Variants in SHOC2 observed in about 807,000 individuals in gnomAD.
SHOC2 encodes leucine-rich repeat protein SHOC-2.
Under a neutral mutation model 50.2 loss-of-function variants are expected in SHOC2, and 4 were observed. The observed-to-expected ratio is 0.08, with a 90% CI of 0.04 to 0.18. The LOEUF (loss-of-function observed/expected upper bound fraction) is 0.18. Among genes scored for constraint, SHOC2 ranks in the 10% least tolerant of loss-of-function variants. The pLI is 1.00. For missense variants in SHOC2, 388 were observed against 669.6 expected (o/e 0.58, Z 4.64); for synonymous variants, 218 against 244.5 (o/e 0.89, Z 1.01).
chr10:110,997,317 A>G (rs1423111388), intron 3 of SHOC2, among the ~76,000 whole-genome samples: 1 of 152,216 alleles, frequency 6.6e-6, no homozygotes, highest in Non-Finnish European at 1.5e-5. Context: ...ATGACTTTAG[A>G]ACTATAGCTC....
chr10:111,007,635 T>G lies in SHOC2; in HGVS notation c.1266T>G (p.Ser422=). The stretch of plus-strand genomic sequence containing the variant: ...TCACAAAGATCCCTGAGGATGTGTC[T>G]GGTCTCGTTTCTCTTGAGGTTAGTA... ...NQLTKIPEDV[S]GLVSLEVLIL... Residue 422 remains serine, a synonymous_variant, in exon 6 of 9, where the codon TCT becomes TCG. Transcript: ENST00000369452. 1 of 1,613,716 alleles carries G rather than the reference T, an allele frequency of 6.2e-7. No homozygotes were observed. The highest frequency in any genetic ancestry group is 8.5e-7 in the Non-Finnish European group (1 of 1,179,712).
At chr10:110,936,894 T>C (rs1429525589) in intron 1 of SHOC2, 1 of 1,382,856 alleles carries the variant, frequency 7.2e-7, no homozygotes, top group Non-Finnish European at 1.0e-6. Context: ...CGCTTTTTCT[T>C]GTCGTAAGGC....
intron 7 of SHOC2, 84 bp downstream of exon 7, chr10:111,009,469 A>G (rs1057173078): frequency 1.0e-5 from 13 of 1,240,846 alleles, no homozygotes; most frequent in African/African-American, 1.5e-5. Flanking sequence ...TTTTGATGTA[A>G]TTCTTGGATC....
chr10:110,923,218 T>A (rs1449199165), intron 1 of SHOC2, among the ~76,000 whole-genome samples: 2 of 152,076 alleles, frequency 1.3e-5, no homozygotes, highest in African/African-American at 4.8e-5. Flanking sequence ...GTAAACTGAC[T>A]TTTAAAATCT....
At chr10:110,975,186 C>T (rs1465000596) in intron 2 of SHOC2, among the ~76,000 whole-genome samples, 5 of 148,974 alleles carry the variant, frequency 3.4e-5, no homozygotes, top group Admixed American at 1.3e-4. Flanking sequence ...GATGGAGTCT[C>T]GCTCTGTCGC....
intron 8 of SHOC2, among the ~76,000 whole-genome samples, chr10:111,010,969 AT>A (rs1454894026): frequency 2.6e-5 from 4 of 152,202 alleles, no homozygotes; most frequent in African/African-American, 9.6e-5. Context: ...CATGAGGCAA[AT>A]TTACACCTAT....
At chr10:110,981,471 T>G (rs1847975164) in intron 2 of SHOC2, among the ~76,000 whole-genome samples, 1 of 152,342 alleles carries the variant, frequency 6.6e-6, no homozygotes, top group Non-Finnish European at 1.5e-5. Context: ...CAAAAGGATG[T>G]AAGAAAAGTT....
At chr10:110,986,582 T>A (rs1009941520) in intron 3 of SHOC2, among the ~76,000 whole-genome samples, 1 of 152,150 alleles carries the variant, frequency 6.6e-6, no homozygotes, top group African/African-American at 2.4e-5. Flanking sequence ...CATGCGATTC[T>A]CCTGCTTCAG....
intron 1 of SHOC2, among the ~76,000 whole-genome samples, chr10:110,942,268 T>G (rs185012682): frequency 6.0e-4 from 92 of 152,350 alleles, no homozygotes; most frequent in African/African-American, 1.9e-3. Context: ...AAGTTCATGG[T>G]GGTGAATGCA....
intron 1 of SHOC2, among the ~76,000 whole-genome samples, chr10:110,933,127 C>A (rs903971866): frequency 1.3e-5 from 2 of 151,970 alleles, no homozygotes; most frequent in Non-Finnish European, 2.9e-5. Context: ...TTCAGATTTT[C>A]TTTGTAGGTA....
In SHOC2 at chr10:110,933,595, C is replaced by T. The variant is rs139895909; in HGVS notation, c.-235+13938C>T. Among the ~76,000 whole-genome samples, 204 of 152,256 alleles carry T rather than the reference C, an allele frequency of 1.3e-3. 1 individual carries two copies. The highest frequency in any genetic ancestry group is 4.6e-3 in the African/African-American group (193 of 41,536). Reference sequence around the variant, plus strand: ...TATGAGGTGGTTGAATTGTAGAACACTTGGAGAGGGCAGCTCCTTTTCAAT... The same window carrying T: ...TATGAGGTGGTTGAATTGTAGAACATTTGGAGAGGGCAGCTCCTTTTCAAT... On this transcript the variant is annotated intron_variant, in intron 1 of 8. Coordinates refer to ENST00000369452, the MANE Select transcript of SHOC2 (RefSeq NM_007373.4).
At chr10:110,940,285 T>C (rs1489576922) in intron 1 of SHOC2, among the ~76,000 whole-genome samples, 1 of 152,220 alleles carries the variant, frequency 6.6e-6, no homozygotes, top group Non-Finnish European at 1.5e-5. Flanking sequence ...TTTATGTGTC[T>C]AATCTTTACA....
At chr10:110,984,306 T>C (rs1003598843) in intron 2 of SHOC2, among the ~76,000 whole-genome samples, 2 of 152,204 alleles carry the variant, frequency 1.3e-5, no homozygotes, top group Non-Finnish European at 2.9e-5. Flanking sequence ...TAGAGAAATA[T>C]CTATTGAAGT....
intron 5 of SHOC2, among the ~76,000 whole-genome samples, chr10:111,006,027 C>G (rs1197651005): frequency 6.6e-6 from 1 of 152,106 alleles, no homozygotes; most frequent in African/African-American, 2.4e-5. Context: ...GTTAATCAGT[C>G]TGGTTATATG....
intron 1 of SHOC2, among the ~76,000 whole-genome samples, chr10:110,930,349 G>GT (rs907263071): frequency 3.9e-4 from 59 of 151,474 alleles, no homozygotes; most frequent in South Asian, 2.1e-4. Flanking sequence ...ATTTATTTTT[G>GT]TTTTTTTTCT....
At chr10:111,009,591 T>C (rs1590839348) in intron 7 of SHOC2, 122 bp from the exon 8 acceptor site, 1 of 802,662 alleles carries the variant, frequency 1.2e-6, no homozygotes, top group East Asian at 2.7e-5. Flanking sequence ...TGTAAGTGAT[T>C]CTCATTCTAT....
At chr10:111,004,516 C>CT in intron 4 of SHOC2, 90 bp from the exon 5 acceptor site, 1 of 926,848 alleles carries the variant, frequency 1.1e-6, no homozygotes, top group Non-Finnish European at 1.8e-6. Flanking sequence ...CCCCAAAGCC[C>CT]TTTGAGGCAT....
At chr10:111,005,431 T>C (rs78658909) in intron 5 of SHOC2, among the ~76,000 whole-genome samples, 255 of 152,332 alleles carry the variant, frequency 1.7e-3, no homozygotes, top group African/African-American at 5.9e-3. Context: ...CCATTAAAAA[T>C]CATATTTTGG....
chr10:110,934,920 T>A (rs1564703254), intron 1 of SHOC2, among the ~76,000 whole-genome samples: 2 of 152,154 alleles, frequency 1.3e-5, no homozygotes, highest in Non-Finnish European at 2.9e-5. Context: ...AAAGGTAAAG[T>A]AAATCTTTCT....
Sources: allele counts gnomAD v4.1 joint callset (sites outside exome capture counted in the v4.1 genomes callset), GRCh38; gene constraint gnomAD v4.1.1; transcripts MANE v1.5; gene names NCBI Gene and HGNC (gene_info 2026-07-23, HGNC 2026-07-21).